The following INPP4B variants were observed in gnomAD, a reference collection of about 807,000 sequenced individuals.
INPP4B encodes inositol polyphosphate-4-phosphatase type II B.
A neutral mutation model predicts 122.5 loss-of-function variants in INPP4B; 55 were observed. That is an observed-to-expected ratio of 0.45 (90% CI 0.36 to 0.56). INPP4B has a LOEUF of 0.56. Ranked by LOEUF, INPP4B falls within the 20% of genes least tolerant of loss-of-function variation. The pLI is 0.00. For missense variants in INPP4B, 1,000 were observed against 1,097.7 expected (o/e 0.91, Z 1.26); for synonymous variants, 403 against 388.7 (o/e 1.04, Z -0.43).
chr4:142,308,502 T>C (rs1025842213), intron 8 of INPP4B, among the ~76,000 whole-genome samples: 2 of 152,166 alleles, frequency 1.3e-5, no homozygotes, highest in African/African-American at 4.8e-5. Flanking sequence ...AGCTGGTTTC[T>C]TGTTTTCTTC....
chr4:142,507,132 A>G (rs1011748693), intron 2 of INPP4B, among the ~76,000 whole-genome samples: 1 of 152,166 alleles, frequency 6.6e-6, no homozygotes, highest in African/African-American at 2.4e-5. Flanking sequence ...TTGTGCTCCT[A>G]TAGCCCTTAA....
At chr4:142,531,324 G>A (rs2149985295) in intron 2 of INPP4B, among the ~76,000 whole-genome samples, 1 of 151,862 alleles carries the variant, frequency 6.6e-6, no homozygotes, top group East Asian at 1.9e-4. Context: ...ACAGGGAGGG[G>A]AAGTCTCTGC....
intron 1 of INPP4B, among the ~76,000 whole-genome samples, chr4:142,815,855 C>T (rs1382104066): frequency 6.6e-6 from 1 of 152,076 alleles, no homozygotes; most frequent in Non-Finnish European, 1.5e-5. Flanking sequence ...CATTTTTCTT[C>T]CATAGGTAGT....
intron 2 of INPP4B, among the ~76,000 whole-genome samples, chr4:142,580,831 G>C (rs1048100852): frequency 3.9e-5 from 6 of 152,006 alleles, no homozygotes; most frequent in African/African-American, 1.4e-4. Flanking sequence ...CACAATTTCA[G>C]CTTCTGTAGT....
chr4:142,348,292 G>A (rs1346647533), intron 7 of INPP4B, among the ~76,000 whole-genome samples: 1 of 151,996 alleles, frequency 6.6e-6, no homozygotes, highest in Non-Finnish European at 1.5e-5. Context: ...TGGCTTGGCA[G>A]GAGATAAAAA....
At chr4:142,725,613 AAT>A (rs1203786228) in intron 2 of INPP4B, among the ~76,000 whole-genome samples, 1 of 152,330 alleles carries the variant, frequency 6.6e-6, no homozygotes, top group Middle Eastern at 3.4e-3. Context: ...GGTATCAGAA[AAT>A]TAACCATTAC....
At chr4:142,084,445 A>G (rs2152538999) in intron 24 of INPP4B, among the ~76,000 whole-genome samples, 1 of 152,288 alleles carries the variant, frequency 6.6e-6, no homozygotes, top group South Asian at 2.1e-4. Flanking sequence ...TTAGAATGTA[A>G]AACATTAACT....
At chr4:142,760,080 A>G (rs139474710) in intron 1 of INPP4B, among the ~76,000 whole-genome samples, 162 of 152,190 alleles carry the variant, frequency 1.1e-3, no homozygotes, top group African/African-American at 3.6e-3. Flanking sequence ...CAGTTAATTA[A>G]AGCCAAACTC....
rs939451825 is a variant in INPP4B at position 142,208,836 on chromosome 4, T to C, written c.967+60A>G. On this transcript the variant is annotated intron_variant, in intron 13 of 25. Transcript: ENST00000262992. ...ATAAAATCTATTTATTATTTTTTTT[T>C]TCATTTCACATGCAGGAAATGCAAT... 6 of 1,270,924 alleles carry C rather than the reference T, an allele frequency of 4.7e-6. No homozygotes were observed. In the Admixed American group the frequency reaches 7.7e-5, roughly 16 times the overall value. The allele number at this position is 1,270,924 out of a possible 1,614,324, so 78.7% of individuals were successfully genotyped here.
At chr4:142,735,071 C>T (rs1267924062) in intron 1 of INPP4B, among the ~76,000 whole-genome samples, 2 of 152,240 alleles carry the variant, frequency 1.3e-5, no homozygotes, top group Admixed American at 1.3e-4. Flanking sequence ...CAGGGCTGCA[C>T]CTGAAGACAA....
chr4:142,368,324 C>T (rs1788360127), intron 7 of INPP4B, among the ~76,000 whole-genome samples: 1 of 152,008 alleles, frequency 6.6e-6, no homozygotes, highest in South Asian at 2.1e-4. Flanking sequence ...AATAGTATCA[C>T]AATGAAAAAT....
At chr4:142,256,603 AG>A (rs1386540249) in intron 11 of INPP4B, among the ~76,000 whole-genome samples, 8 of 152,208 alleles carry the variant, frequency 5.3e-5, no homozygotes, top group African/African-American at 2.4e-5. Context: ...TAGAAAATCT[AG>A]AAGAAATGGA....
intron 3 of INPP4B, among the ~76,000 whole-genome samples, chr4:142,446,037 T>C (rs1396897226): frequency 3.3e-5 from 5 of 152,060 alleles, no homozygotes; most frequent in African/African-American, 1.2e-4. Flanking sequence ...AAATTTGTTG[T>C]ATTAAATGTT....
intron 1 of INPP4B, among the ~76,000 whole-genome samples, chr4:142,753,714 T>C (rs1561031980): frequency 6.6e-6 from 1 of 151,978 alleles, no homozygotes; most frequent in Non-Finnish European, 1.5e-5. Flanking sequence ...AAAGAGAAAA[T>C]AAAACATTTT....
At chr4:142,779,730 C>T (rs974821426) in intron 1 of INPP4B, among the ~76,000 whole-genome samples, 2 of 151,686 alleles carry the variant, frequency 1.3e-5, no homozygotes, top group African/African-American at 2.4e-5. Flanking sequence ...GAAAACTAAA[C>T]ATTTGATTGT....
At chr4:142,789,751 T>C (rs536098160) in intron 1 of INPP4B, among the ~76,000 whole-genome samples, 1 of 151,980 alleles carries the variant, frequency 6.6e-6, no homozygotes, top group East Asian at 1.9e-4. Flanking sequence ...AAAATTCACA[T>C]GGAACCAAAA....
At chr4:142,503,364 T>C (rs1443242475) in intron 2 of INPP4B, among the ~76,000 whole-genome samples, 2 of 152,160 alleles carry the variant, frequency 1.3e-5, no homozygotes, top group African/African-American at 4.8e-5. Flanking sequence ...AAAAAGCCTT[T>C]ATCTTCTTTA....
At chr4:142,102,109 T>C (rs1784726789) in intron 23 of INPP4B, among the ~76,000 whole-genome samples, 1 of 152,064 alleles carries the variant, frequency 6.6e-6, no homozygotes, top group Non-Finnish European at 1.5e-5. Flanking sequence ...TTTTAGTTTC[T>C]ATAATTTTCT....
chr4:142,179,057 A>C (rs1333390894), intron 15 of INPP4B, among the ~76,000 whole-genome samples: 1 of 152,172 alleles, frequency 6.6e-6, no homozygotes, highest in Non-Finnish European at 1.5e-5. Context: ...GTTTGGAGAA[A>C]AGAATTAGAA....
Sources: gnomAD v4.1 joint callset for allele counts (sites outside exome capture counted in the v4.1 genomes callset) on GRCh38, gnomAD v4.1.1 for gene constraint, MANE v1.5 for transcripts, NCBI Gene and HGNC (gene_info 2026-07-23, HGNC 2026-07-21) for gene names.